PLCG2: variants seen among roughly 807,000 people sequenced by gnomAD.
PLCG2 encodes the protein phospholipase C gamma 2.
PLCG2 carries 69 observed loss-of-function variants against 175.6 expected under a neutral mutation model. That is an observed-to-expected ratio of 0.39 (90% confidence interval 0.32 to 0.48). The LOEUF is 0.48. PLCG2 is among the 20% of genes least tolerant of loss of function. The probability of loss-of-function intolerance (pLI) is 0.91; values close to 1 mark genes in which losing one functional copy is unlikely to be tolerated. For synonymous variants in PLCG2, 827 were observed against 624.0 expected (o/e 1.33, Z -4.85); for missense variants, 1,798 against 1,650.9 (o/e 1.09, Z -1.54).
At chr16:81,837,174 A>C (rs1009881911) in intron 2 of PLCG2, among the ~76,000 whole-genome samples, 1 of 152,274 alleles carries the variant, frequency 6.6e-6, no homozygotes, top group East Asian at 1.9e-4. Flanking sequence ...GAACGAGAAT[A>C]CATATACATG....
At chr16:81,812,042 AC>A (rs1183686203) in intron 2 of PLCG2, among the ~76,000 whole-genome samples, 6 of 111,492 alleles carry the variant, frequency 5.4e-5, no homozygotes, top group Non-Finnish European at 1.1e-4. Flanking sequence ...TTGTTTCCTG[AC>A]TTTTTTTTTT....
intron 23 of PLCG2, among the ~76,000 whole-genome samples, chr16:81,927,963 T>G (rs1414221968): frequency 2.6e-5 from 4 of 152,090 alleles, no homozygotes; most frequent in African/African-American, 7.2e-5. Flanking sequence ...TACATCAGCA[T>G]TTACCTGGTG....
chr16:81,747,525 ACT>A (rs1443017266), intron 1 of PLCG2, among the ~76,000 whole-genome samples: 3 of 151,880 alleles, frequency 2.0e-5, no homozygotes, highest in Admixed American at 1.3e-4. Flanking sequence ...ACAGAGGAAG[ACT>A]CTGTCTGAAA....
intron 9 of PLCG2, among the ~76,000 whole-genome samples, chr16:81,884,858 C>T (rs1300727140): frequency 2.0e-5 from 3 of 152,088 alleles, no homozygotes; most frequent in African/African-American, 7.2e-5. Flanking sequence ...CGTATCATCA[C>T]TCAGATTAAA....
chr16:81,854,419 T>C (rs1488196352), intron 2 of PLCG2, 25 bp from the exon 3 acceptor site: 5 of 1,611,266 alleles, frequency 3.1e-6, no homozygotes, highest in Non-Finnish European at 3.4e-6. Context: ...CAGCTTCTAA[T>C]TGGCTCATGT....
chr16:81,830,119 A>G (rs775453086), intron 2 of PLCG2, among the ~76,000 whole-genome samples: 24 of 151,936 alleles, frequency 1.6e-4, no homozygotes, highest in Non-Finnish European at 3.2e-4. Flanking sequence ...CAGGGATTTG[A>G]GAATAGCCTG....
chr16:81,812,662 T>G (rs2143300188), intron 2 of PLCG2, among the ~76,000 whole-genome samples: 1 of 152,372 alleles, frequency 6.6e-6, no homozygotes, highest in East Asian at 1.9e-4. Flanking sequence ...TAGTTTCTTT[T>G]GCTGTGCAGA....
At chr16:81,858,128 C>G (rs906133326) in intron 3 of PLCG2, 135 bp from the exon 4 acceptor site, 5 of 700,578 alleles carry the variant, frequency 7.1e-6, no homozygotes, top group Non-Finnish European at 1.3e-5. Context: ...AAAGGGGATG[C>G]TTTCTTTGCC....
In PLCG2 at chr16:81,891,556, C is replaced by A. The variant is rs1384764686; in HGVS notation, c.952C>A (p.Leu318Met). Residue 318 changes from leucine to methionine, a missense_variant, in exon 11 of 33, where the codon CTG becomes ATG. Transcript: ENST00000564138. ...GGACATGCAGGACATGAACAACCCC[C>A]TGTCTCATTACTGGATCTCCTCGTC... ...AVDMQDMNNP[L>M]SHYWISSSHN... 1.9e-6 allele frequency: 3 copies of A among 1,607,222 alleles called. No homozygotes were observed. In the African/African-American group the frequency reaches 4.0e-5, roughly 21 times the overall value.
chr16:81,779,602 C>T (rs1326209186), intron 1 of PLCG2, among the ~76,000 whole-genome samples, 178 bp downstream of exon 1: 1 of 152,032 alleles, frequency 6.6e-6, no homozygotes, highest in African/African-American at 2.4e-5. Flanking sequence ...CGTTTGGTGA[C>T]GGCAGGGATC....
rs187939681 is a variant in PLCG2 at position 81,942,750 on chromosome 16, A to C, written c.3481+2691A>C. Among the ~76,000 whole-genome samples, 238 of 152,302 alleles carry C rather than the reference A, an allele frequency of 1.6e-3. 2 individuals carry two copies. Among genetic ancestry groups the C allele is most frequent in the African/African-American group, 5.3e-3 (219 of 41,562 alleles). ...TCACACACCTGTAGGACCAGAGCTG[A>C]GATTCAAACCCAGGAATGTCTAATT... On this transcript the variant is annotated intron_variant, in intron 30 of 32. Coordinates refer to ENST00000564138, the MANE Select transcript of PLCG2 (RefSeq NM_002661.5).
At position 81,919,629 on chromosome 16, in the gene PLCG2, C is replaced by G; in HGVS notation, c.2200C>G (p.Pro734Ala). The G allele has an allele frequency of 6.2e-7, 1 of 1,614,016 alleles. No individual in the cohort carries two copies. Among genetic ancestry groups the G allele is most frequent in the South Asian group, 1.1e-5 (1 of 91,068 alleles). Reference protein sequence around the residue: ...SLYRKMRLRYPVTPELLERYN... With the variant: ...SLYRKMRLRYAVTPELLERYN... Reference sequence around the variant, plus strand: ...CTACCGAAAGATGAGACTGCGCTACCCCGTGACCCCCGAGCTCCTGGAGCG... The same window carrying G: ...CTACCGAAAGATGAGACTGCGCTACGCCGTGACCCCCGAGCTCCTGGAGCG... Residue 734 changes from proline (P) to alanine (A), a missense_variant, in exon 20 of 33, where the codon CCC becomes GCC. Coordinates refer to ENST00000564138, the MANE Select transcript of PLCG2 (RefSeq NM_002661.5).
rs1911731250 is a variant in PLCG2, at chr16:81,960,209, G to T, written c.*2211G>T. On this transcript the variant is annotated 3_prime_UTR_variant, in exon 33 of 33. Transcript: ENST00000564138. ...GTAACACGTTAATCTGGTTCTTGGT[G>T]GTGTTAGGGACTGATTCTCTCAGGA... 4.5e-6 allele frequency: 1 copy of T among 220,574 alleles called. No individual in the cohort carries two copies. The highest frequency in any genetic ancestry group is 5.8e-5 in the Admixed American group (1 of 17,358). 13.7% of individuals were successfully genotyped at this position (220,574 alleles called of 1,614,324 possible). A position where few individuals can be genotyped will look rare whatever the true frequency, so the allele number is the denominator to read the frequency against.
At chr16:81,927,378 G>A (rs529978466) in intron 23 of PLCG2, among the ~76,000 whole-genome samples, 200 bp downstream of exon 23, 37 of 152,210 alleles carry the variant, frequency 2.4e-4, no homozygotes, top group Non-Finnish European at 4.1e-4. Flanking sequence ...CAAGCCGGCC[G>A]TGTTTTAATC....
intron 21 of PLCG2, among the ~76,000 whole-genome samples, chr16:81,923,195 TAACCCCAGCGCTA>T (rs1910126077): frequency 6.6e-6 from 1 of 151,794 alleles, no homozygotes; most frequent in South Asian, 2.1e-4. Flanking sequence ...AGCCTAACCC[TAACCCCAGCGCTA>T]AACCCTAGCC....
chr16:81,902,225 T>C (rs1479067830), intron 14 of PLCG2, among the ~76,000 whole-genome samples: 5 of 152,216 alleles, frequency 3.3e-5, no homozygotes, highest in Non-Finnish European at 5.9e-5. Context: ...GTGAATTTTG[T>C]TGACATTCCA....
intron 5 of PLCG2, among the ~76,000 whole-genome samples, chr16:81,866,234 C>G (rs1255520836): frequency 8.0e-6 from 1 of 124,776 alleles, no homozygotes; most frequent in Non-Finnish European, 1.7e-5. Context: ...GCTGGCCTCT[C>G]CCTTGCTCCC....
chr16:81,920,470 G>C (rs547666808), intron 20 of PLCG2, among the ~76,000 whole-genome samples: 1 of 152,314 alleles, frequency 6.6e-6, no homozygotes, highest in African/African-American at 2.4e-5. Flanking sequence ...AAAGAAAACA[G>C]GATAGTGTGA....
At position 81,956,821 on chromosome 16, in the gene PLCG2, A is replaced by G. The variant is rs765126381; in HGVS notation, c.3697A>G (p.Lys1233Glu). 4 of 1,614,176 alleles carry G rather than the reference A, an allele frequency of 2.5e-6. No individual in the cohort carries two copies. The highest frequency in any genetic ancestry group is 3.4e-6 in the Non-Finnish European group (4 of 1,180,022). ...LRNANRDALV[K>E]EFSVNENQLQ... ...CAATGCCAACCGGGATGCCCTGGTT[A>G]AAGAGTTCAGTGTTAATGAGAACCA... is the stretch of plus-strand genomic sequence containing the variant. Residue 1233 changes from lysine to glutamate, a missense_variant, in exon 32 of 33, where the codon AAA becomes GAA. By Grantham distance (56) the Lys-to-Glu change is moderately conservative. Transcript: ENST00000564138.
Sources: allele counts gnomAD v4.1 joint callset (sites outside exome capture counted in the v4.1 genomes callset), GRCh38; gene constraint gnomAD v4.1.1; transcripts MANE v1.5; gene names NCBI Gene and HGNC (gene_info 2026-07-23, HGNC 2026-07-21).